Variants in SLC24A2 observed in about 807,000 individuals in gnomAD.
SLC24A2 encodes solute carrier family 24 member 2.
Under a neutral mutation model 62.0 loss-of-function variants are expected in SLC24A2, and 36 were observed. The ratio of observed to expected loss-of-function variants is 0.58; its 90% CI spans 0.44 to 0.77. The LOEUF is 0.77. Among genes scored for constraint, SLC24A2 ranks in the 30% least tolerant of loss-of-function variants. The pLI, the probability that SLC24A2 is intolerant of heterozygous loss-of-function variation, is 0.00. For missense variants in SLC24A2, 846 were observed against 817.9 expected (o/e 1.03, Z -0.42); for synonymous variants, 358 against 294.0 (o/e 1.22, Z -2.23).
At chr9:19,528,772 G>A (rs1186811025) in intron 8 of SLC24A2, among the ~76,000 whole-genome samples, 1 of 152,162 alleles carries the variant, frequency 6.6e-6, no homozygotes, top group Non-Finnish European at 1.5e-5. Flanking sequence ...AGAGTAGACA[G>A]AGGCAGAAGC....
At chr9:19,945,893 G>T in the SLC24A2 span, among the ~76,000 whole-genome samples, 1 of 152,222 alleles carries the variant, frequency 6.6e-6, no homozygotes. Flanking sequence ...AGGCTGCCAA[G>T]TTCCTATTCC....
intron 2 of SLC24A2, among the ~76,000 whole-genome samples, chr9:19,734,453 T>C (rs1263024478): frequency 1.8e-4 from 27 of 152,214 alleles, no homozygotes; most frequent in Admixed American, 1.7e-3. Flanking sequence ...GGGGATGGCA[T>C]TGAATCTATA....
At chr9:19,826,710 A>C in the SLC24A2 span, among the ~76,000 whole-genome samples, 1 of 152,276 alleles carries the variant, frequency 6.6e-6, no homozygotes, top group East Asian at 1.9e-4. Flanking sequence ...CTCATCCATA[A>C]GGGTAGAGCC....
At chr9:20,263,913 C>G in the SLC24A2 span, among the ~76,000 whole-genome samples, 5 of 132,054 alleles carry the variant, frequency 3.8e-5, no homozygotes, top group African/African-American at 1.4e-4. Flanking sequence ...AAGTGAACAT[C>G]ATGTCTGGCT....
At chr9:20,251,078 A>G in the SLC24A2 span, among the ~76,000 whole-genome samples, 11 of 152,194 alleles carry the variant, frequency 7.2e-5, no homozygotes, top group Admixed American at 2.0e-4. Context: ...GCCCATAGAG[A>G]AGAAGGCAGT....
the SLC24A2 span, among the ~76,000 whole-genome samples, chr9:20,008,315 G>T: frequency 6.6e-6 from 1 of 152,080 alleles, no homozygotes; most frequent in African/African-American, 2.4e-5. Context: ...AGGATGAGGT[G>T]TCTCGCTGGC....
At chr9:20,269,166 G>T in the SLC24A2 span, among the ~76,000 whole-genome samples, 2 of 152,158 alleles carry the variant, frequency 1.3e-5, no homozygotes, top group African/African-American at 4.8e-5. Flanking sequence ...GTGTGCAGGA[G>T]GGGGTCTTAG....
chr9:20,086,300 G>T, the SLC24A2 span, among the ~76,000 whole-genome samples: 2 of 152,022 alleles, frequency 1.3e-5, no homozygotes, highest in Admixed American at 6.6e-5. Context: ...GGACCACATG[G>T]CCCGTATTTC....
the SLC24A2 span, among the ~76,000 whole-genome samples, chr9:19,953,039 A>G: frequency 0.52 from 78,433 of 151,700 alleles, 20,827 homozygotes; most frequent in Non-Finnish European, 0.56. Flanking sequence ...CAAGTTGCCA[A>G]TTTATTATTC....
At chr9:19,809,448 AC>A in the SLC24A2 span, among the ~76,000 whole-genome samples, 3 of 152,210 alleles carry the variant, frequency 2.0e-5, no homozygotes, top group Non-Finnish European at 4.4e-5. Context: ...AGAAGAAATT[AC>A]GTAGGCAGAT....
At chr9:20,303,651 T>G in the SLC24A2 span, among the ~76,000 whole-genome samples, 2 of 152,164 alleles carry the variant, frequency 1.3e-5, no homozygotes, top group Non-Finnish European at 2.9e-5. Flanking sequence ...GTCCAACCCT[T>G]AGCTGCCCAA....
chr9:20,247,695 A>G, the SLC24A2 span, among the ~76,000 whole-genome samples: 1 of 152,230 alleles, frequency 6.6e-6, no homozygotes, highest in Non-Finnish European at 1.5e-5. Context: ...ATGACAGCCC[A>G]AACAGAGTAA....
intron 5 of SLC24A2, 72 bp downstream of exon 5, chr9:19,597,157 T>C (rs944769549): frequency 1.0e-6 from 1 of 998,310 alleles, no homozygotes; most frequent in Admixed American, 1.7e-5. Context: ...AAAAAAAGAA[T>C]AAAAAATGGG....
the SLC24A2 span, among the ~76,000 whole-genome samples, chr9:19,945,359 G>A: frequency 6.6e-6 from 1 of 152,184 alleles, no homozygotes; most frequent in Admixed American, 6.5e-5. Context: ...ATTGAGCAGG[G>A]AAGGGCACAG....
chr9:20,016,082 T>C, the SLC24A2 span, among the ~76,000 whole-genome samples: 4 of 152,214 alleles, frequency 2.6e-5, no homozygotes, highest in African/African-American at 7.2e-5. Flanking sequence ...GATTGGAAAA[T>C]ATAGGCCAGT....
At chr9:19,571,000 G>T (rs1028534136) in intron 7 of SLC24A2, among the ~76,000 whole-genome samples, 10 of 152,168 alleles carry the variant, frequency 6.6e-5, no homozygotes, top group Non-Finnish European at 4.4e-5. Context: ...GCTCAGAGAG[G>T]GGTCATCTGG....
chr9:19,882,570 CCTGA>C, the SLC24A2 span, among the ~76,000 whole-genome samples: 2 of 151,862 alleles, frequency 1.3e-5, no homozygotes, highest in South Asian at 2.1e-4. Flanking sequence ...AAATCACAGT[CCTGA>C]CTTTAGGCAA....
the SLC24A2 span, among the ~76,000 whole-genome samples, chr9:20,190,757 A>G: frequency 6.6e-6 from 1 of 152,374 alleles, no homozygotes; most frequent in East Asian, 1.9e-4. Flanking sequence ...CCCTAGATTT[A>G]AATTCTGGCT....
At chr9:20,268,307 G>A in the SLC24A2 span, among the ~76,000 whole-genome samples, 5 of 152,134 alleles carry the variant, frequency 3.3e-5, no homozygotes, top group Non-Finnish European at 5.9e-5. Context: ...CACTGCTATG[G>A]TTTGAATGTC....
Sources: allele counts gnomAD v4.1 joint callset (sites outside exome capture counted in the v4.1 genomes callset), GRCh38; gene constraint gnomAD v4.1.1; transcripts MANE v1.5; gene names NCBI Gene and HGNC (gene_info 2026-07-23, HGNC 2026-07-21).